WWOX: variants seen among roughly 807,000 people sequenced by gnomAD.
WWOX encodes WW domain containing oxidoreductase.
A neutral mutation model predicts 46.2 loss-of-function variants in WWOX; 69 were observed. The observed-to-expected ratio is 1.49, with a 90% CI of 1.23 to 1.82. The LOEUF is 1.82. Among genes scored for constraint, WWOX ranks in the 40% most tolerant of loss-of-function variants. The pLI is 0.00. For missense variants in WWOX, 919 were observed against 542.6 expected, an observed-to-expected ratio of 1.69 and a Z score of -6.89; for synonymous variants, 359 against 202.6, an observed-to-expected ratio of 1.77 and a Z score of -6.56.
chr16:78,626,022 G>A (rs908062884), intron 8 of WWOX, among the ~76,000 whole-genome samples: 1 of 151,332 alleles, frequency 6.6e-6, no homozygotes, highest in Non-Finnish European at 1.5e-5. Context: ...ACCTAATATT[G>A]TTATTAACTA....
At chr16:78,493,560 T>G (rs531426391) in intron 8 of WWOX, among the ~76,000 whole-genome samples, 8 of 152,342 alleles carry the variant, frequency 5.3e-5, no homozygotes, top group African/African-American at 1.9e-4. Flanking sequence ...TTGGGGTGTT[T>G]AAGGAGAATT....
At chr16:78,524,377 C>G (rs963312505) in intron 8 of WWOX, among the ~76,000 whole-genome samples, 1 of 149,642 alleles carries the variant, frequency 6.7e-6, no homozygotes, top group East Asian at 2.0e-4. Flanking sequence ...GTTTAGTTGA[C>G]TAGAGATTTC....
chr16:78,454,143 G>C (rs1022868819), intron 8 of WWOX, among the ~76,000 whole-genome samples: 3 of 152,278 alleles, frequency 2.0e-5, no homozygotes, highest in South Asian at 4.1e-4. Context: ...TTGAGGATTG[G>C]TCTCCGGGCA....
At chr16:78,379,221 A>G (rs78164272) in intron 5 of WWOX, among the ~76,000 whole-genome samples, 2,022 of 152,302 alleles carry the variant, frequency 0.013, 42 homozygotes, top group African/African-American at 0.046. Flanking sequence ...TTTAAATGAG[A>G]TTCTGGAAAT....
chr16:78,684,763 C>T (rs2047816300), intron 8 of WWOX, among the ~76,000 whole-genome samples: 1 of 152,162 alleles, frequency 6.6e-6, no homozygotes, highest in African/African-American at 2.4e-5. Context: ...ACTATGGAAG[C>T]ACCATAGTTG....
chr16:78,858,017 A>G (rs754756809), intron 8 of WWOX, among the ~76,000 whole-genome samples: 2 of 152,178 alleles, frequency 1.3e-5, no homozygotes, highest in Non-Finnish European at 2.9e-5. Context: ...GACCTATTAC[A>G]TTCTAAATTG....
intron 8 of WWOX, among the ~76,000 whole-genome samples, chr16:79,209,986 A>G (rs2051663660): frequency 6.6e-6 from 1 of 152,230 alleles, no homozygotes; most frequent in Non-Finnish European, 1.5e-5. Flanking sequence ...AGTGGGCATG[A>G]TAATGGAGGG....
chr16:78,470,339 C>T (rs12598729), intron 8 of WWOX, among the ~76,000 whole-genome samples: 6,991 of 152,240 alleles, frequency 0.046, 299 homozygotes, highest in East Asian at 0.18. Context: ...ACATCTTTGC[C>T]TCACCTGATG....
chr16:78,237,642 A>G (rs574905284), intron 5 of WWOX: 1 of 152,306 alleles, frequency 6.6e-6, no homozygotes, highest in East Asian at 1.9e-4. Context: ...CTCTTTGGCT[A>G]TGGCCTGCAG....
At chr16:78,715,206 G>T (rs778617801) in intron 8 of WWOX, among the ~76,000 whole-genome samples, 1 of 152,196 alleles carries the variant, frequency 6.6e-6, no homozygotes, top group African/African-American at 2.4e-5. Flanking sequence ...GAGTTCAGTT[G>T]CAAGTTAAAG....
chr16:78,861,376 A>T (rs1349951553), intron 8 of WWOX, among the ~76,000 whole-genome samples: 3 of 152,142 alleles, frequency 2.0e-5, no homozygotes, highest in African/African-American at 7.2e-5. Context: ...TTATTATTTT[A>T]AAATGTAAAA....
chr16:78,429,163 A>G (rs1161529812), intron 7 of WWOX, among the ~76,000 whole-genome samples: 1 of 152,212 alleles, frequency 6.6e-6, no homozygotes, highest in Non-Finnish European at 1.5e-5. Flanking sequence ...TTCACAGTCT[A>G]GTTTTGGAAT....
intron 5 of WWOX, among the ~76,000 whole-genome samples, chr16:78,319,299 A>G (rs938656004): frequency 1.4e-4 from 22 of 152,164 alleles, no homozygotes; most frequent in African/African-American, 4.6e-4. Context: ...TTTCTTATTT[A>G]TTTTTGAGAC....
chr16:78,399,294 G>T (rs972852692), intron 6 of WWOX, among the ~76,000 whole-genome samples: 2 of 152,198 alleles, frequency 1.3e-5, no homozygotes, highest in East Asian at 1.9e-4. Context: ...TACCTCCTTG[G>T]GTGGCATGGA....
intron 5 of WWOX, among the ~76,000 whole-genome samples, chr16:78,164,616 G>A (rs1048437788): frequency 1.2e-4 from 18 of 152,198 alleles, no homozygotes; most frequent in African/African-American, 4.3e-4. Flanking sequence ...GCTTATGGTT[G>A]TTAAGATTAG....
chr16:78,328,388 G>C (rs72792369), intron 5 of WWOX, among the ~76,000 whole-genome samples: 4,613 of 152,264 alleles, frequency 0.03, 124 homozygotes, highest in African/African-American at 0.071. Flanking sequence ...AAAAAATTTA[G>C]AATCCTTCAA....
intron 8 of WWOX, among the ~76,000 whole-genome samples, chr16:79,148,494 A>C (rs1048080589): frequency 2.6e-5 from 4 of 152,146 alleles, no homozygotes. Context: ...TGTCAGGTAG[A>C]GTGATTCTTC....
At chr16:78,255,225 G>C (rs2038096240) in intron 5 of WWOX, among the ~76,000 whole-genome samples, 1 of 152,138 alleles carries the variant, frequency 6.6e-6, no homozygotes, top group Non-Finnish European at 1.5e-5. Context: ...TGTCCTTCTA[G>C]TCAGTTTCTG....
chr16:78,833,217 A>AT (rs889070190), intron 8 of WWOX, among the ~76,000 whole-genome samples: 3 of 151,726 alleles, frequency 2.0e-5, no homozygotes, highest in East Asian at 3.9e-4. Flanking sequence ...AATTTTGACT[A>AT]TTTTTTTGTA....
Sources: allele counts gnomAD v4.1 joint callset (sites outside exome capture counted in the v4.1 genomes callset), GRCh38; gene constraint gnomAD v4.1.1; transcripts MANE v1.5; gene names NCBI Gene and HGNC (gene_info 2026-07-23, HGNC 2026-07-21).